Variants in MYO18B observed in about 807,000 individuals in gnomAD.
MYO18B encodes the protein myosin XVIIIB, also known as unconventional myosin-XVIIIb.
Under a neutral mutation model 273.0 loss-of-function variants are expected in MYO18B, and 204 were observed. The observed-to-expected ratio is 0.75, with a 90% CI of 0.67 to 0.84. The LOEUF (loss-of-function observed/expected upper bound fraction) is 0.84. Ranked by LOEUF, MYO18B falls within the 40% of genes least tolerant of loss-of-function variation. The pLI is 0.00. For synonymous variants in MYO18B, 1,330 were observed against 1,305.7 expected (o/e 1.02, Z -0.40); for missense variants, 3,212 against 3,287.6 (o/e 0.98, Z 0.56).
rs145447107 is a variant in MYO18B at position 25,965,278 on chromosome 22, G to A, written c.6156+9914G>A. On this transcript the variant is annotated intron_variant, in intron 39 of 43. Coordinates refer to ENST00000335473, the MANE Select transcript of MYO18B (RefSeq NM_032608.7). ...AATGGGAGGCGTAGAGCAGATTTGA[G>A]GATAGCTTGTTTCCCTCTGTACTGG... is the stretch of plus-strand genomic sequence containing the variant. 2.9e-3 allele frequency among the ~76,000 whole-genome samples: 443 copies of A among 152,312 alleles called. 4 individuals are homozygous for A. The highest frequency in any genetic ancestry group is 9.2e-3 in the African/African-American group (381 of 41,556).
intron 17 of MYO18B, among the ~76,000 whole-genome samples, chr22:25,842,218 T>C (rs1403333517): frequency 1.3e-5 from 2 of 152,206 alleles, no homozygotes; most frequent in Non-Finnish European, 1.5e-5. Context: ...GGTCCTTTGT[T>C]TCCTAGCTTA....
At chr22:25,894,902 G>A (rs1479383896) in intron 27 of MYO18B, 3 of 431,028 alleles carry the variant, frequency 7.0e-6, no homozygotes, top group African/African-American at 2.0e-5. Flanking sequence ...ACAGTATAAG[G>A]CAACCAATCT....
intron 34 of MYO18B, among the ~76,000 whole-genome samples, chr22:25,936,263 C>G (rs114330135): frequency 8.5e-5 from 13 of 152,226 alleles, no homozygotes; most frequent in African/African-American, 2.6e-4. Context: ...TCATCATCAC[C>G]AGAGAGGAAG....
intron 21 of MYO18B, among the ~76,000 whole-genome samples, chr22:25,859,202 A>G (rs1447817467): frequency 1.3e-5 from 2 of 152,114 alleles, no homozygotes; most frequent in Non-Finnish European, 2.9e-5. Context: ...TAAAAACCTC[A>G]AATAATTGTT....
At position 25,847,518 on chromosome 22, in the gene MYO18B, A is replaced by G; in HGVS notation, c.3641A>G (p.Gln1214Arg). The part of the protein sequence containing the change: ...PNPVVESRSG[Q>R]ESPPPPQPGR... ...CCTGTGGTGGAAAGCAGGAGTGGGC[A>G]GGAATCTCCACCACCACCGCAGCCT... The change falls in exon 20 of 44, where the codon CAG becomes CGG. Residue 1214 changes from glutamine to arginine, a missense_variant. Physicochemically the swap from Gln to Arg is conservative, Grantham distance 43. Transcript: ENST00000335473. The G allele has an allele frequency of 1.3e-6, 2 of 1,577,848 alleles. No individual in the cohort carries two copies. Among genetic ancestry groups the G allele is most frequent in the Non-Finnish European group, 1.7e-6 (2 of 1,161,608 alleles).
intron 21 of MYO18B, among the ~76,000 whole-genome samples, chr22:25,861,250 A>G (rs2090726733): frequency 6.6e-6 from 1 of 152,166 alleles, no homozygotes; most frequent in Non-Finnish European, 1.5e-5. Context: ...CTCTCCAACT[A>G]TTAATGTTAA....
intron 12 of MYO18B, among the ~76,000 whole-genome samples, chr22:25,800,377 C>T (rs1012883391): frequency 6.6e-6 from 1 of 152,222 alleles, no homozygotes; most frequent in Non-Finnish European, 1.5e-5. Flanking sequence ...TTGGGCATCA[C>T]CACTACTTTG....
chr22:26,015,471 T>C (rs1935250008), intron 42 of MYO18B, among the ~76,000 whole-genome samples: 1 of 152,124 alleles, frequency 6.6e-6, no homozygotes, highest in South Asian at 2.1e-4. Context: ...TATGCAGCCA[T>C]AAAAAAGAAT....
At chr22:25,956,062 A>T (rs1275819621) in intron 39 of MYO18B, among the ~76,000 whole-genome samples, 1 of 152,192 alleles carries the variant, frequency 6.6e-6, no homozygotes, top group Non-Finnish European at 1.5e-5. Context: ...ACACGTGGAG[A>T]TATCAACTTG....
chr22:25,767,101 G>T (rs2086532839), intron 3 of MYO18B, among the ~76,000 whole-genome samples: 1 of 152,254 alleles, frequency 6.6e-6, no homozygotes, highest in Non-Finnish European at 1.5e-5. Context: ...GCTAGGGCTG[G>T]TGGTGAAGCG....
intron 25 of MYO18B, among the ~76,000 whole-genome samples, chr22:25,887,815 C>T (rs1487498828): frequency 1.3e-5 from 2 of 152,140 alleles, no homozygotes; most frequent in Non-Finnish European, 2.9e-5. Flanking sequence ...CCTTTGGGCT[C>T]CAGACTTTGG....
At chr22:25,749,375 C>A (rs947550936) in intron 1 of MYO18B, among the ~76,000 whole-genome samples, 1 of 152,172 alleles carries the variant, frequency 6.6e-6, no homozygotes, top group Non-Finnish European at 1.5e-5. Flanking sequence ...GATTTAGGAA[C>A]ACAGAGATAG....
Position 25,847,593 on chromosome 22 carries a change from C to T in MYO18B, c.3716C>T (p.Ala1239Val). The change falls in exon 20 of 44, where the codon GCA becomes GTA. Residue 1239 changes from alanine to valine, a missense_variant. Coordinates refer to ENST00000335473, the MANE Select transcript of MYO18B (RefSeq NM_032608.7). ...AGGPLALDIP[A>V]LRVQLAGFHI... ...GGACCTCTGGCCCTGGATATCCCAG[C>T]ACTGAGGGTCCAGCTTGCTGGGTTC... 6.4e-7 allele frequency: 1 copy of T among 1,566,370 alleles called. No individual in the cohort carries two copies. The highest frequency in any genetic ancestry group is 8.7e-7 in the Non-Finnish European group (1 of 1,155,620).
chr22:25,831,262 G>T (rs937076520), intron 15 of MYO18B, among the ~76,000 whole-genome samples: 4 of 152,198 alleles, frequency 2.6e-5, no homozygotes, highest in African/African-American at 7.2e-5. Context: ...GCAGTGGTTA[G>T]ATCTGATTGT....
intron 39 of MYO18B, among the ~76,000 whole-genome samples, chr22:25,979,827 A>G (rs891971438): frequency 6.6e-6 from 1 of 152,010 alleles, no homozygotes; most frequent in African/African-American, 2.4e-5. Context: ...CAATGCCCCA[A>G]GAGAGCCTTA....
chr22:25,885,563 G>T (rs978815220), intron 25 of MYO18B, among the ~76,000 whole-genome samples: 1 of 152,106 alleles, frequency 6.6e-6, no homozygotes, highest in Admixed American at 6.5e-5. Context: ...ATGGGGATGT[G>T]TTTGTGTTTG....
At chr22:25,808,853 G>A (rs1484758695) in intron 12 of MYO18B, among the ~76,000 whole-genome samples, 2 of 152,180 alleles carry the variant, frequency 1.3e-5, no homozygotes, top group African/African-American at 2.4e-5. Context: ...ATTTAAAGCT[G>A]TGTCATTGCT....
intron 36 of MYO18B, among the ~76,000 whole-genome samples, chr22:25,948,443 C>CTTTCTTTCTTTCTTTCT (rs1569225056): frequency 8.7e-6 from 1 of 114,386 alleles, no homozygotes; most frequent in African/African-American, 4.3e-5. Context: ...TCCTTCCTTC[C>CTTTCTTTCTTTCTTTCT]TTCCTTCCTT....
At chr22:26,011,705 G>C (rs1012511204) in intron 42 of MYO18B, among the ~76,000 whole-genome samples, 2 of 152,164 alleles carry the variant, frequency 1.3e-5, no homozygotes, top group Non-Finnish European at 2.9e-5. Flanking sequence ...CACATAATTA[G>C]TGATGCTGTG....
Sources: allele counts gnomAD v4.1 joint callset (sites outside exome capture counted in the v4.1 genomes callset), GRCh38; gene constraint gnomAD v4.1.1; transcripts MANE v1.5; gene names NCBI Gene and HGNC (gene_info 2026-07-23, HGNC 2026-07-21).